Variants in GPATCH2 observed in about 807,000 individuals in gnomAD.
The protein encoded by GPATCH2 is G-patch domain containing 2.
In GPATCH2, 51 loss-of-function variants were observed where a neutral mutation model predicts 58.0. That is an observed-to-expected ratio of 0.88 (90% CI 0.70 to 1.11). The LOEUF (loss-of-function observed/expected upper bound fraction) is 1.11. Ranked by LOEUF, GPATCH2 falls within the 50% of genes most tolerant of loss-of-function variation. The pLI, the probability that GPATCH2 is intolerant of heterozygous loss-of-function variation, is 0.00. For missense variants in GPATCH2, 625 were observed against 652.2 expected (o/e 0.96, Z 0.45); for synonymous variants, 222 against 218.5 (o/e 1.02, Z -0.14).
At chr1:217,539,487 C>A (rs1302216446) in intron 5 of GPATCH2, among the ~76,000 whole-genome samples, 1 of 152,152 alleles carries the variant, frequency 6.6e-6, no homozygotes, top group Non-Finnish European at 1.5e-5. Flanking sequence ...GTCCTACAAA[C>A]AATTTTCAAG....
chr1:217,513,085 T>C (rs1248226244), intron 6 of GPATCH2, among the ~76,000 whole-genome samples: 3 of 152,094 alleles, frequency 2.0e-5, no homozygotes, highest in East Asian at 3.9e-4. Context: ...AGGTCAGGAG[T>C]TCGAGACCAG....
chr1:217,524,284 C>T (rs1663688951), intron 5 of GPATCH2, among the ~76,000 whole-genome samples: 1 of 149,774 alleles, frequency 6.7e-6, no homozygotes. Flanking sequence ...AGAGACGCTC[C>T]TCACTTCCTA....
At chr1:217,444,034 G>T (rs901378158) in intron 9 of GPATCH2, among the ~76,000 whole-genome samples, 31 of 152,206 alleles carry the variant, frequency 2.0e-4, no homozygotes, top group Admixed American at 1.0e-3. Flanking sequence ...CCTCTAGAGT[G>T]GCTTTGAATG....
chr1:217,594,327 G>A (rs1005459961), intron 5 of GPATCH2, among the ~76,000 whole-genome samples: 7 of 151,858 alleles, frequency 4.6e-5, no homozygotes, highest in African/African-American at 1.7e-4. Context: ...ATTAACAACT[G>A]CTGTTTAAAA....
At chr1:217,611,471 A>C (rs1428062701) in intron 3 of GPATCH2, among the ~76,000 whole-genome samples, 1 of 152,182 alleles carries the variant, frequency 6.6e-6, no homozygotes, top group Non-Finnish European at 1.5e-5. Flanking sequence ...ACCAATTTTA[A>C]AATGTGAAAA....
chr1:217,502,304 T>C (rs934002091), intron 6 of GPATCH2, among the ~76,000 whole-genome samples: 5 of 152,104 alleles, frequency 3.3e-5, no homozygotes, highest in South Asian at 2.1e-4. Flanking sequence ...AATTATCAAT[T>C]TGGGGAGAAC....
At chr1:217,578,189 G>T (rs1242329894) in intron 5 of GPATCH2, among the ~76,000 whole-genome samples, 1 of 151,574 alleles carries the variant, frequency 6.6e-6, no homozygotes, top group African/African-American at 2.4e-5. Flanking sequence ...ACACAAAAAG[G>T]TAGTTTTGTT....
intron 5 of GPATCH2, among the ~76,000 whole-genome samples, chr1:217,594,528 C>A (rs1239820827): frequency 6.6e-6 from 1 of 151,900 alleles, no homozygotes; most frequent in African/African-American, 2.4e-5. Flanking sequence ...AATAAAGTAA[C>A]CTGTCAAATG....
At chr1:217,585,404 C>T (rs1222845446) in intron 5 of GPATCH2, among the ~76,000 whole-genome samples, 2 of 152,084 alleles carry the variant, frequency 1.3e-5, no homozygotes, top group African/African-American at 4.8e-5. Context: ...AGGCAAATCA[C>T]GAGGTCGAGA....
chr1:217,542,561 G>T (rs572535683), intron 5 of GPATCH2, among the ~76,000 whole-genome samples: 2 of 152,320 alleles, frequency 1.3e-5, no homozygotes, highest in African/African-American at 4.8e-5. Context: ...GCCTGGCCAA[G>T]AATGGCTCAA....
At chr1:217,446,614 T>A (rs986769655) in intron 9 of GPATCH2, among the ~76,000 whole-genome samples, 7 of 152,170 alleles carry the variant, frequency 4.6e-5, no homozygotes, top group Non-Finnish European at 8.8e-5. Flanking sequence ...GATGCAATTC[T>A]CCTGCTCCAC....
intron 8 of GPATCH2, among the ~76,000 whole-genome samples, chr1:217,453,926 C>T (rs900586876): frequency 1.3e-5 from 2 of 152,140 alleles, no homozygotes; most frequent in Admixed American, 1.3e-4. Flanking sequence ...AGCTGCAAAA[C>T]AGACAAACAG....
chr1:217,517,091 A>G (rs946361379), intron 5 of GPATCH2, among the ~76,000 whole-genome samples: 1 of 152,188 alleles, frequency 6.6e-6, no homozygotes, highest in African/African-American at 2.4e-5. Flanking sequence ...TTTCTCAGCA[A>G]TCATATATAT....
Position 217,620,076 on chromosome 1 carries a change from C to T in GPATCH2, c.480G>A (p.Arg160=), listed in dbSNP as rs1247677743. 6.2e-7 allele frequency: 1 copy of T among 1,614,044 alleles called. No individual in the cohort carries two copies. Among genetic ancestry groups the T allele is most frequent in the Admixed American group, 1.7e-5 (1 of 60,010 alleles). The change falls in exon 2 of 10, where the codon AGG becomes AGA. Residue 160 remains arginine, a synonymous_variant. Transcript: ENST00000366935. The part of the protein sequence containing the change: ...VDNVGNRTLR[R]RRKVKRMAVD... ...CTGCCATGCGTTTTACCTTTCTCCTCCTGCGCAGAGTTCTATTCCCAACAT... is the reference window on the plus strand; with the variant it reads ...CTGCCATGCGTTTTACCTTTCTCCTTCTGCGCAGAGTTCTATTCCCAACAT...
At chr1:217,517,711 G>C (rs1023786679) in intron 5 of GPATCH2, among the ~76,000 whole-genome samples, 1 of 152,102 alleles carries the variant, frequency 6.6e-6, no homozygotes, top group Non-Finnish European at 1.5e-5. Context: ...ATATAATTAA[G>C]TATGGTGACT....
intron 8 of GPATCH2, among the ~76,000 whole-genome samples, chr1:217,452,979 C>T (rs977898101): frequency 3.3e-5 from 5 of 152,340 alleles, no homozygotes; most frequent in Admixed American, 3.3e-4. Context: ...CCACACCCCC[C>T]TTCTTTCAGA....
intron 5 of GPATCH2, among the ~76,000 whole-genome samples, chr1:217,577,128 T>C (rs960490054): frequency 6.6e-6 from 1 of 152,312 alleles, no homozygotes. Context: ...AAAGATTTAA[T>C]AGAAACCCGC....
intron 5 of GPATCH2, among the ~76,000 whole-genome samples, chr1:217,518,862 G>A (rs1663309768): frequency 6.6e-6 from 1 of 152,166 alleles, no homozygotes; most frequent in African/African-American, 2.4e-5. Context: ...ACTTATGTTG[G>A]CAAGCTGCCA....
At chr1:217,596,300 A>G (rs184383324) in intron 5 of GPATCH2, among the ~76,000 whole-genome samples, 307 of 152,316 alleles carry the variant, frequency 2.0e-3, no homozygotes, top group Non-Finnish European at 3.7e-3. Flanking sequence ...TCCAATTTTT[A>G]AAAAATTAAT....
Sources: allele counts gnomAD v4.1 joint callset (sites outside exome capture counted in the v4.1 genomes callset), GRCh38; gene constraint gnomAD v4.1.1; transcripts MANE v1.5; gene names NCBI Gene and HGNC (gene_info 2026-07-23, HGNC 2026-07-21).